The following PPP2R5C variants were observed in gnomAD, a reference collection of about 807,000 sequenced individuals.
PPP2R5C encodes the protein protein phosphatase 2 regulatory subunit B'gamma.
PPP2R5C carries 7 observed loss-of-function variants against 68.9 expected under a neutral mutation model. That is an observed-to-expected ratio of 0.10 (90% confidence interval 0.06 to 0.19). PPP2R5C has a LOEUF of 0.19. PPP2R5C is among the 10% of genes least tolerant of loss of function. PPP2R5C has a pLI of 1.00. For synonymous variants in PPP2R5C, 210 were observed against 222.2 expected (o/e 0.95, Z 0.49); for missense variants, 348 against 641.3 (o/e 0.54, Z 4.94).
In PPP2R5C at chr14:101,916,425, A is replaced by C. The variant is rs1306324566; in HGVS notation, c.1327-1406A>C. ...AATAAGGAGGGACAGAGGGTGTGGGAAAAGGCCGAAGACAGCCCACAGAGG... is the reference window on the plus strand; with the variant it reads ...AATAAGGAGGGACAGAGGGTGTGGGCAAAGGCCGAAGACAGCCCACAGAGG... On this transcript the variant is annotated intron_variant, in intron 12 of 13. Transcript: ENST00000334743. The surrounding 1 kb of genome is among the most constrained non-coding windows in gnomAD (Gnocchi z 5.5). Among the ~76,000 whole-genome samples the C allele has an allele frequency of 5.9e-5, 9 of 152,110 alleles. No homozygotes were observed. Among genetic ancestry groups the C allele is most frequent in the Non-Finnish European group, 1.0e-4 (7 of 68,002 alleles).
exon 14 of PPP2R5C, chr14:101,925,367 CA>C: frequency 6.6e-7 from 1 of 1,510,758 alleles, no homozygotes. Flanking sequence ...CAGTTACACT[CA>C]AAGCTTTCTT....
intron 1 of PPP2R5C, among the ~76,000 whole-genome samples, chr14:101,840,354 G>A (rs1402666458): frequency 2.0e-5 from 3 of 151,744 alleles, no homozygotes; most frequent in Non-Finnish European, 4.4e-5. Flanking sequence ...GGCCCAAAAA[G>A]GTCAAGCAGC....
chr14:101,897,371 G>T (rs2045399746), intron 8 of PPP2R5C, among the ~76,000 whole-genome samples: 2 of 150,742 alleles, frequency 1.3e-5, no homozygotes, highest in East Asian at 3.9e-4. Flanking sequence ...TATATCTGAG[G>T]TATTCTCCAA....
intron 1 of PPP2R5C, among the ~76,000 whole-genome samples, chr14:101,815,783 C>T (rs868177602): frequency 3.3e-5 from 5 of 152,152 alleles, no homozygotes; most frequent in South Asian, 2.1e-4. Context: ...GATTCTCCTG[C>T]GTCAGCCTCC....
At chr14:101,815,540 C>T (rs1475042073) in intron 1 of PPP2R5C, among the ~76,000 whole-genome samples, 3 of 152,302 alleles carry the variant, frequency 2.0e-5, no homozygotes, top group Admixed American at 2.0e-4. Context: ...TCAGGAGTAT[C>T]CCGAGGACAG....
At chr14:101,855,741 A>G (rs969086440) in intron 1 of PPP2R5C, among the ~76,000 whole-genome samples, 1 of 152,226 alleles carries the variant, frequency 6.6e-6, no homozygotes, top group African/African-American at 2.4e-5. Flanking sequence ...TGTCACGCTC[A>G]CAGTGGCAGA....
At chr14:101,874,639 A>C (rs766418224) in intron 2 of PPP2R5C, among the ~76,000 whole-genome samples, 1 of 152,236 alleles carries the variant, frequency 6.6e-6, no homozygotes, top group South Asian at 2.1e-4. Flanking sequence ...TTATCTGAAG[A>C]TGATCTTGTT....
rs1343761133 is a variant in PPP2R5C, at chr14:101,870,610, GA to G, written c.295-11547del. Among the ~76,000 whole-genome samples, 3 of 152,050 alleles carry G rather than the reference GA, an allele frequency of 2.0e-5. No individual in the cohort carries two copies. In the East Asian group the frequency reaches 5.8e-4, roughly 29 times the overall value. ...CTGCTATAACCTCTTTCTTCTTTTT[GA>G]AAATTGTTTTGACTATTCTAGTTAT... is the stretch of plus-strand genomic sequence containing the variant. On this transcript the variant is annotated intron_variant, in intron 2 of 13. Coordinates refer to ENST00000334743, the Ensembl canonical transcript of PPP2R5C.
intron 1 of PPP2R5C, among the ~76,000 whole-genome samples, chr14:101,856,060 T>C (rs968550740): frequency 6.6e-6 from 1 of 152,234 alleles, no homozygotes; most frequent in East Asian, 1.9e-4. Flanking sequence ...AAATGCAGTG[T>C]GCTTGGTGGG....
At chr14:101,856,916 C>T (rs770724888) in intron 2 of PPP2R5C, 31 bp downstream of exon 4, 1 of 1,596,250 alleles carries the variant, frequency 6.3e-7, no homozygotes, top group South Asian at 1.1e-5. Context: ...CAGTGTGTCC[C>T]AGTTCTGATT....
Position 101,886,573 on chromosome 14 carries a change from G to A in PPP2R5C, c.629+3011G>A, listed in dbSNP as rs373226014. ...CTTTTCTGTAATTGTCCTGATACGC[G>A]CAGTCAAAAGCAAGCATGCTATCTA... On this transcript the variant is annotated intron_variant, in intron 5 of 13. Coordinates refer to ENST00000334743, the Ensembl canonical transcript of PPP2R5C. Among the ~76,000 whole-genome samples the A allele has an allele frequency of 7.0e-4, 106 of 151,766 alleles. 1 individual carries two copies. The South Asian group carries it at 0.016, about 23-fold the overall frequency.
At chr14:101,909,063 T>G (rs1350436863) in intron 10 of PPP2R5C, among the ~76,000 whole-genome samples, 2 of 152,064 alleles carry the variant, frequency 1.3e-5, no homozygotes, top group East Asian at 1.9e-4. Context: ...ACCCAGAGGC[T>G]CAGCTGGAAC....
At position 101,791,666 on chromosome 14, in the gene PPP2R5C, AT is replaced by A. The variant is rs978168667; in HGVS notation, c.259+5486del. On this transcript the variant is annotated intron_variant, in intron 3 of 14. Coordinates refer to the PPP2R5C transcript ENST00000328724. ...TTTTAATTTCAGGGTTTTTTTTTTC[AT>A]TTATGAAAGTTCTGTTTGGTTCTTT... Among the ~76,000 whole-genome samples the A allele has an allele frequency of 1.3e-3, 190 of 149,934 alleles. 1 individual carries two copies. Among genetic ancestry groups the A allele is most frequent in the Non-Finnish European group, 5.8e-4 (39 of 67,508 alleles).
At position 101,856,252 on chromosome 14, in the gene PPP2R5C, T is replaced by C. The variant is rs200384932; in HGVS notation, c.95-434T>C. Among the ~76,000 whole-genome samples the C allele has an allele frequency of 4.6e-5, 7 of 152,192 alleles. No homozygotes were observed. The East Asian group carries it at 1.3e-3, about 29-fold the overall frequency. On this transcript the variant is annotated intron_variant, in intron 1 of 13. Transcript: ENST00000334743. ...GAGGCATCCTTCCCCCTCTGGTCTT[T>C]TTTACCCTGCCTGAACCTAAATTCT... is the stretch of plus-strand genomic sequence containing the variant.
upstream of PPP2R5C, among the ~76,000 whole-genome samples, chr14:101,809,405 CAAAAAAA>C (rs375238074): frequency 7.3e-6 from 1 of 136,880 alleles, no homozygotes; most frequent in African/African-American, 2.7e-5. Flanking sequence ...AAAAAAAAAA[CAAAAAAA>C]AAACACTGGG....
intron 1 of PPP2R5C, among the ~76,000 whole-genome samples, chr14:101,843,199 G>A (rs922155187): frequency 2.0e-5 from 3 of 152,154 alleles, no homozygotes; most frequent in East Asian, 1.9e-4. Context: ...CTGCACTCCC[G>A]CCTGGGTGAC....
In PPP2R5C at chr14:101,906,328, A is replaced by T. The variant is rs928016958; in HGVS notation, c.1024-74A>T. The stretch of plus-strand genomic sequence containing the variant: ...CAAGGTAGTTCATTACCCGACTCAC[A>T]GGTTTAACAGCAAGGACAGCCACCT... On this transcript the variant is annotated intron_variant, in intron 9 of 13. Transcript: ENST00000334743. The surrounding 1 kb of genome is among the most constrained non-coding windows in gnomAD (Gnocchi z 4.0). The T allele has an allele frequency of 3.4e-6, 5 of 1,464,482 alleles. No homozygotes were observed. The highest frequency in any genetic ancestry group is 4.5e-6 in the Non-Finnish European group (5 of 1,099,056). The allele number at this position is 1,464,482 out of a possible 1,614,324, so 90.7% of individuals were successfully genotyped here.
At chr14:101,866,780 A>G (rs1341805658) in intron 2 of PPP2R5C, among the ~76,000 whole-genome samples, 1 of 152,220 alleles carries the variant, frequency 6.6e-6, no homozygotes, top group Non-Finnish European at 1.5e-5. Flanking sequence ...ACACTTTTGT[A>G]ATTTTTAAAA....
chr14:101,767,290 G>C (rs538083053), intron 2 of PPP2R5C, among the ~76,000 whole-genome samples: 1 of 152,286 alleles, frequency 6.6e-6, no homozygotes, highest in Admixed American at 6.5e-5. Flanking sequence ...AGGCGGAAGG[G>C]TAATTTTTTT....
Sources: gnomAD v4.1 joint callset for allele counts (sites outside exome capture counted in the v4.1 genomes callset) on GRCh38, gnomAD v4.1.1 for gene constraint, Gnocchi (gnomAD v3.1) non-coding constraint, MANE v1.5 for transcripts, NCBI Gene and HGNC (gene_info 2026-07-23, HGNC 2026-07-21) for gene names.